RAD51B: variants seen among roughly 807,000 people sequenced by gnomAD.
RAD51B encodes RAD51 paralog B, also known as DNA repair protein RAD51 homolog 2.
Under a neutral mutation model 42.2 loss-of-function variants are expected in RAD51B, and 38 were observed. The observed-to-expected ratio is 0.90, with a 90% CI of 0.70 to 1.18. The LOEUF (loss-of-function observed/expected upper bound fraction) is 1.18. Among genes scored for constraint, RAD51B ranks in the 50% most tolerant of loss-of-function variants. RAD51B has a pLI of 0.00. For missense variants in RAD51B, 373 were observed against 400.7 expected, an observed-to-expected ratio of 0.93 and a Z score of 0.59; for synonymous variants, 154 against 145.2, an observed-to-expected ratio of 1.06 and a Z score of -0.43.
chr14:68,156,060 A>G (rs1021808223), intron 7 of RAD51B, among the ~76,000 whole-genome samples: 4 of 152,238 alleles, frequency 2.6e-5, no homozygotes, highest in African/African-American at 9.6e-5. Flanking sequence ...AGACTGTTGA[A>G]TTGGAATAGA....
At chr14:68,282,895 G>C (rs947263983) in intron 7 of RAD51B, among the ~76,000 whole-genome samples, 2 of 152,164 alleles carry the variant, frequency 1.3e-5, no homozygotes, top group Non-Finnish European at 2.9e-5. Context: ...CAGAGGCTGG[G>C]GGGGACCCGA....
rs1892790523 is a variant in RAD51B at position 68,655,325 on chromosome 14, A to G, written c.*11+4469A>G. 2.0e-5 allele frequency among the ~76,000 whole-genome samples: 3 copies of G among 151,884 alleles called. No individual in the cohort carries two copies. In the South Asian group the frequency reaches 6.2e-4, roughly 32 times the overall value. On this transcript the variant is annotated intron_variant, in intron 11 of 11. Coordinates refer to the RAD51B transcript ENST00000488612. ...CAGGTTCACAGCTGCTCAGGGTTAT[A>G]CTTTCCAGCACATTTAGGACTTGGA...
At chr14:68,026,898 T>G (rs1022653347) in intron 7 of RAD51B, among the ~76,000 whole-genome samples, 1 of 152,100 alleles carries the variant, frequency 6.6e-6, no homozygotes, top group Non-Finnish European at 1.5e-5. Context: ...TTGCCTGGTT[T>G]TCATGTAAGA....
chr14:67,937,896 T>G (rs540666236), intron 7 of RAD51B, among the ~76,000 whole-genome samples: 13 of 150,286 alleles, frequency 8.7e-5, no homozygotes, highest in African/African-American at 2.9e-4. Flanking sequence ...GGTAAGTAAC[T>G]TTTTTTTTTC....
intron 9 of RAD51B, among the ~76,000 whole-genome samples, chr14:68,450,036 C>T (rs1055512005): frequency 6.6e-6 from 1 of 152,004 alleles, no homozygotes; most frequent in Non-Finnish European, 1.5e-5. Context: ...AAGATGGGTA[C>T]CCTAGGGGAA....
intron 7 of RAD51B, among the ~76,000 whole-genome samples, chr14:68,211,596 G>T (rs2079709530): frequency 6.6e-6 from 1 of 152,214 alleles, no homozygotes; most frequent in Non-Finnish European, 1.5e-5. Context: ...GGTGGGGAAG[G>T]TTACTCAACA....
At chr14:68,055,708 G>T (rs2076462793) in intron 7 of RAD51B, among the ~76,000 whole-genome samples, 1 of 152,270 alleles carries the variant, frequency 6.6e-6, no homozygotes, top group South Asian at 2.1e-4. Context: ...GTTAGATATA[G>T]GTTAATGAAA....
intron 7 of RAD51B, among the ~76,000 whole-genome samples, chr14:67,922,849 G>A (rs553449899): frequency 4.7e-4 from 72 of 152,124 alleles, no homozygotes; most frequent in Admixed American, 1.2e-3. Flanking sequence ...CTGCCACCAC[G>A]CCTGGCTAAT....
chr14:68,395,588 T>C (rs1010217342), intron 8 of RAD51B, among the ~76,000 whole-genome samples: 5 of 152,216 alleles, frequency 3.3e-5, no homozygotes, highest in Admixed American at 2.6e-4. Flanking sequence ...TATTACTATT[T>C]TGTTGTTGCT....
chr14:68,141,462 C>G lies in RAD51B; in HGVS notation c.757-150422C>G, dbSNP rs562673087. On this transcript the variant is annotated intron_variant, in intron 7 of 10. Transcript: ENST00000471583. ...CTACTAAAGCAAAATGATAAATTCC[C>G]TGGCAAGAGAGACCAGCTTAATCAT... Among the ~76,000 whole-genome samples, 41 of 152,272 alleles carry G rather than the reference C, an allele frequency of 2.7e-4. 1 individual carries two copies. The highest frequency in any genetic ancestry group is 6.8e-3 in the Middle Eastern group (2 of 294).
At chr14:68,397,096 C>G (rs1429954026) in intron 8 of RAD51B, among the ~76,000 whole-genome samples, 1 of 152,170 alleles carries the variant, frequency 6.6e-6, no homozygotes, top group African/African-American at 2.4e-5. Flanking sequence ...GCCTGGAAAA[C>G]AATAATTATC....
chr14:68,299,629 T>C (rs1247094937), intron 8 of RAD51B, among the ~76,000 whole-genome samples: 1 of 152,174 alleles, frequency 6.6e-6, no homozygotes. Context: ...GAGGGACAAC[T>C]GTATTAATTA....
At chr14:68,465,769 G>A (rs1011976234) in intron 9 of RAD51B, among the ~76,000 whole-genome samples, 2 of 151,652 alleles carry the variant, frequency 1.3e-5, no homozygotes, top group African/African-American at 2.4e-5. Flanking sequence ...GTAAAACCCC[G>A]TCTCCACTAA....
At chr14:67,878,184 T>C (rs1469201388) in intron 5 of RAD51B, among the ~76,000 whole-genome samples, 1 of 152,222 alleles carries the variant, frequency 6.6e-6, no homozygotes, top group Non-Finnish European at 1.5e-5. Context: ...TCTAGAAATA[T>C]TTTACATAAT....
intron 10 of RAD51B, among the ~76,000 whole-genome samples, chr14:68,504,652 T>C (rs1000580579): frequency 9.8e-5 from 14 of 142,474 alleles, no homozygotes; most frequent in African/African-American, 3.4e-4. Context: ...GTAATCCTTT[T>C]TTTTTCTTTC....
At chr14:68,446,796 G>A (rs1036304251) in intron 9 of RAD51B, among the ~76,000 whole-genome samples, 1 of 152,144 alleles carries the variant, frequency 6.6e-6, no homozygotes, top group African/African-American at 2.4e-5. Flanking sequence ...CATCATCTGA[G>A]GCCCTGGATC....
Position 67,838,430 on chromosome 14 carries a change from TA to T in RAD51B, c.315+3236del, listed in dbSNP as rs2041318434. Among the ~76,000 whole-genome samples, 10 of 152,210 alleles carry T rather than the reference TA, an allele frequency of 6.6e-5. No homozygotes were observed. The South Asian group carries it at 2.1e-3, about 32-fold the overall frequency. ...ATTCTGTATTGTTTTTATTTATTTT[TA>T]ATTTATTTTTATTTTAAATTAAAAA... On this transcript the variant is annotated intron_variant, in intron 4 of 10. Coordinates refer to ENST00000471583, the MANE Select transcript of RAD51B (RefSeq NM_133510.4).
intron 7 of RAD51B, among the ~76,000 whole-genome samples, chr14:67,939,976 T>A (rs868712089): frequency 1.7e-5 from 2 of 119,514 alleles, no homozygotes; most frequent in East Asian, 2.6e-4. Context: ...TATATATATA[T>A]AAAAAAATAA....
intron 4 of RAD51B, among the ~76,000 whole-genome samples, chr14:67,842,765 C>G (rs1394354081): frequency 6.6e-6 from 1 of 152,122 alleles, no homozygotes; most frequent in Non-Finnish European, 1.5e-5. Context: ...TGTTCTAGTT[C>G]TCCCAAATTT....
Sources: gnomAD v4.1 joint callset for allele counts (sites outside exome capture counted in the v4.1 genomes callset) on GRCh38, gnomAD v4.1.1 for gene constraint, MANE v1.5 for transcripts, NCBI Gene and HGNC (gene_info 2026-07-23, HGNC 2026-07-21) for gene names.